GNA12: variants seen among roughly 807,000 people sequenced by gnomAD.
GNA12 encodes the protein G protein subunit alpha 12.
GNA12 carries 9 observed loss-of-function variants against 26.0 expected under a neutral mutation model. That is an observed-to-expected ratio of 0.35 (90% confidence interval 0.21 to 0.60). GNA12 has a LOEUF of 0.60. Ranked by LOEUF, GNA12 falls within the 20% of genes least tolerant of loss-of-function variation. GNA12 has a pLI of 0.78. For missense variants in GNA12, 405 were observed against 525.8 expected (o/e 0.77, Z 2.25); for synonymous variants, 264 against 219.6 (o/e 1.20, Z -1.79).
At chr7:2,804,407 G>C (rs1041727773) in intron 1 of GNA12, among the ~76,000 whole-genome samples, 1 of 152,130 alleles carries the variant, frequency 6.6e-6, no homozygotes, top group Non-Finnish European at 1.5e-5. Context: ...ACACACACGC[G>C]TGTACATACA....
At chr7:2,742,086 A>G (rs1032104038) in intron 2 of GNA12, among the ~76,000 whole-genome samples, 1 of 151,682 alleles carries the variant, frequency 6.6e-6, no homozygotes, top group African/African-American at 2.4e-5. Context: ...CAGTGGGGCG[A>G]TCTCAGCTCA....
intron 1 of GNA12, among the ~76,000 whole-genome samples, chr7:2,828,938 T>C (rs1793541770): frequency 6.6e-6 from 1 of 151,982 alleles, no homozygotes; most frequent in Non-Finnish European, 1.5e-5. Flanking sequence ...CCAGGTGTGG[T>C]GGTGTCTGCC....
intron 2 of GNA12, among the ~76,000 whole-genome samples, chr7:2,787,505 C>T (rs1258008522): frequency 6.6e-6 from 1 of 152,214 alleles, no homozygotes; most frequent in African/African-American, 2.4e-5. Flanking sequence ...GGGGCCTCTG[C>T]GCTTGCCATT....
At chr7:2,762,546 C>T in intron 2 of GNA12, 1 of 1,324,420 alleles carries the variant, frequency 7.6e-7, no homozygotes, top group Non-Finnish European at 1.0e-6. Flanking sequence ...GCCTTCTATT[C>T]TGGAGTTAGA....
Position 2,730,174 on chromosome 7 carries a change from A to G in GNA12, c.*1007T>C, listed in dbSNP as rs1184476288. 1 of 152,424 alleles carries G rather than the reference A, an allele frequency of 6.6e-6. No homozygotes were observed. Among genetic ancestry groups the G allele is most frequent in the Non-Finnish European group, 1.5e-5 (1 of 68,060 alleles). The allele number at this position is 152,424 out of a possible 1,614,324, so 9.4% of individuals were successfully genotyped here. A position where few individuals can be genotyped will look rare whatever the true frequency, so the allele number is the denominator to read the frequency against. On this transcript the variant is annotated 3_prime_UTR_variant, in exon 4 of 4. Transcript: ENST00000275364. ...CTGGGGCATTAACAAAAGCTCTGCT[A>G]GTGGCCTTGCCAGCTTTCTGAAGCC...
intron 1 of GNA12, among the ~76,000 whole-genome samples, chr7:2,843,096 G>C (rs1238382556): frequency 6.6e-6 from 1 of 152,254 alleles, no homozygotes; most frequent in Non-Finnish European, 1.5e-5. Context: ...AAGAGAGTGA[G>C]AGCCTTTCTA....
At chr7:2,758,530 A>T (rs1791407947) in intron 2 of GNA12, among the ~76,000 whole-genome samples, 1 of 152,014 alleles carries the variant, frequency 6.6e-6, no homozygotes, top group Admixed American at 6.6e-5. Flanking sequence ...GATGGAACGT[A>T]TCTCCTGTGA....
At chr7:2,838,918 G>A (rs1224602669) in intron 1 of GNA12, among the ~76,000 whole-genome samples, 1 of 152,188 alleles carries the variant, frequency 6.6e-6, no homozygotes, top group East Asian at 1.9e-4. Context: ...AGCTAAAGAA[G>A]AAATAGACAA....
chr7:2,786,913 C>G (rs985833935), intron 2 of GNA12, among the ~76,000 whole-genome samples: 1 of 152,180 alleles, frequency 6.6e-6, no homozygotes, highest in Non-Finnish European at 1.5e-5. Context: ...TGAAACATGT[C>G]TCCTGGCAGA....
rs150391223 is a variant in GNA12, at chr7:2,758,967, C to G, written c.526-25466G>C. On this transcript the variant is annotated intron_variant, in intron 2 of 3. Coordinates refer to ENST00000275364, the MANE Select transcript of GNA12 (RefSeq NM_007353.3). ...ACCAGCCTCCTGATATGGTGAAACA[C>G]CGTCTCTACTAAAAATACAAAAACT... Among the ~76,000 whole-genome samples the G allele has an allele frequency of 2.3e-3, 344 of 152,052 alleles. 2 individuals are homozygous for G. Among genetic ancestry groups the G allele is most frequent in the Non-Finnish European group, 2.4e-3 (160 of 67,988 alleles).
At chr7:2,814,078 G>GTT (rs1793155203) in intron 1 of GNA12, among the ~76,000 whole-genome samples, 1 of 152,158 alleles carries the variant, frequency 6.6e-6, no homozygotes, top group African/African-American at 2.4e-5. Context: ...GGCTGCCCAG[G>GTT]TTCTCAGGCC....
intron 2 of GNA12, among the ~76,000 whole-genome samples, chr7:2,782,806 C>T (rs1409153573): frequency 6.6e-6 from 1 of 152,126 alleles, no homozygotes; most frequent in East Asian, 1.9e-4. Flanking sequence ...CTGACCCCAT[C>T]CTCCTTCCTC....
At chr7:2,766,963 T>G (rs1214034510) in intron 2 of GNA12, among the ~76,000 whole-genome samples, 2 of 152,236 alleles carry the variant, frequency 1.3e-5, no homozygotes, top group African/African-American at 4.8e-5. Context: ...CATTGTGATT[T>G]TGATTTGCAT....
chr7:2,732,451 C>G (rs1313150305), intron 3 of GNA12, among the ~76,000 whole-genome samples: 1 of 152,160 alleles, frequency 6.6e-6, no homozygotes, highest in Non-Finnish European at 1.5e-5. Context: ...GAGGCCGAGA[C>G]AGGAGGATCA....
chr7:2,742,493 G>A (rs909356780), intron 2 of GNA12, among the ~76,000 whole-genome samples: 5 of 152,090 alleles, frequency 3.3e-5, no homozygotes, highest in Admixed American at 2.0e-4. Context: ...TTATCTCATC[G>A]CTGTCCACAT....
intron 2 of GNA12, among the ~76,000 whole-genome samples, chr7:2,754,897 C>T (rs1174482608): frequency 6.6e-6 from 1 of 152,206 alleles, no homozygotes; most frequent in Non-Finnish European, 1.5e-5. Flanking sequence ...CTACTGTTAT[C>T]TTCTCTCAAG....
At chr7:2,752,240 G>C (rs1283197372) in intron 2 of GNA12, among the ~76,000 whole-genome samples, 2 of 151,954 alleles carry the variant, frequency 1.3e-5, no homozygotes, top group Admixed American at 6.6e-5. Context: ...CACATGCTCA[G>C]GGCTTAAAAA....
intron 2 of GNA12, among the ~76,000 whole-genome samples, chr7:2,793,924 C>G (rs1792584928): frequency 6.7e-6 from 1 of 149,198 alleles, no homozygotes; most frequent in African/African-American, 2.5e-5. Context: ...TTTCCAATAG[C>G]AAAATATGAA....
chr7:2,801,464 A>AAC (rs1012222196), intron 1 of GNA12, among the ~76,000 whole-genome samples: 22 of 152,160 alleles, frequency 1.4e-4, no homozygotes, highest in Admixed American at 3.9e-4. Flanking sequence ...TTGGCTTAAA[A>AAC]ACACACACAC....
Sources: gnomAD v4.1 joint callset for allele counts (sites outside exome capture counted in the v4.1 genomes callset) on GRCh38, gnomAD v4.1.1 for gene constraint, MANE v1.5 for transcripts, NCBI Gene and HGNC (gene_info 2026-07-23, HGNC 2026-07-21) for gene names.